FAM20B: variants seen among roughly 807,000 people sequenced by gnomAD.
FAM20B encodes the protein glycosaminoglycan xylosylkinase.
FAM20B carries 23 observed loss-of-function variants against 43.8 expected under a neutral mutation model. That is an observed-to-expected ratio of 0.53 (90% confidence interval 0.38 to 0.74). The LOEUF is 0.74. Among genes scored for constraint, FAM20B ranks in the 30% least tolerant of loss-of-function variants. The pLI, the probability that FAM20B is intolerant of heterozygous loss-of-function variation, is 0.00. For synonymous variants in FAM20B, 178 were observed against 192.4 expected (o/e 0.93, Z 0.62); for missense variants, 440 against 510.5 (o/e 0.86, Z 1.33).
intron 1 of FAM20B, among the ~76,000 whole-genome samples, 199 bp from the exon 2 acceptor site, chr1:179,043,516 C>T (rs912743504): frequency 2.6e-5 from 4 of 152,178 alleles, no homozygotes; most frequent in African/African-American, 9.6e-5. Context: ...CTGGTGTCTT[C>T]GCAGCAGCTG....
At chr1:179,057,611 A>T (rs1651281985) in intron 4 of FAM20B, among the ~76,000 whole-genome samples, 1 of 152,154 alleles carries the variant, frequency 6.6e-6, no homozygotes. Flanking sequence ...AAAGTCACAA[A>T]ACTACTAATT....
chr1:179,071,977 A>G lies in FAM20B; in HGVS notation c.1063A>G (p.Lys355Glu). 6.2e-7 allele frequency: 1 copy of G among 1,614,148 alleles called. No homozygotes were observed. The highest frequency in any genetic ancestry group is 8.5e-7 in the Non-Finnish European group (1 of 1,180,016). ...GAATGGTGTGCTAAAGTCTGCCTTAAAATCTGCCATGGCCCATGACCCCAT... is the reference window on the plus strand; with the variant it reads ...GAATGGTGTGCTAAAGTCTGCCTTAGAATCTGCCATGGCCCATGACCCCAT... ...LKNGVLKSAL[K>E]SAMAHDPISP... The change falls in exon 8 of 8, where the codon AAA (lysine) becomes GAA (glutamate). Residue 355 changes from lysine (K) to glutamate (E), a missense_variant. Coordinates refer to ENST00000263733, the MANE Select transcript of FAM20B (RefSeq NM_014864.4).
chr1:179,020,151 GTA>G, the FAM20B span, among the ~76,000 whole-genome samples: 3 of 122,050 alleles, frequency 2.5e-5, no homozygotes, highest in African/African-American at 6.8e-5. Flanking sequence ...GTATGTGTGT[GTA>G]TACACACACA....
chr1:179,043,550 T>A (rs1000956754), intron 1 of FAM20B, among the ~76,000 whole-genome samples, 165 bp from the exon 2 acceptor site: 1 of 152,184 alleles, frequency 6.6e-6, no homozygotes, highest in Non-Finnish European at 1.5e-5. Flanking sequence ...ACTGCTGCCA[T>A]CATTAGGTCC....
chr1:179,038,560 A>C (rs1315848398), intron 1 of FAM20B, among the ~76,000 whole-genome samples: 2 of 152,234 alleles, frequency 1.3e-5, no homozygotes, highest in African/African-American at 4.8e-5. Context: ...ATGCTGAAGA[A>C]GTGATTGTCA....
intron 1 of FAM20B, among the ~76,000 whole-genome samples, chr1:179,036,053 C>G (rs1291206006): frequency 6.6e-6 from 1 of 152,134 alleles, no homozygotes; most frequent in African/African-American, 2.4e-5. Flanking sequence ...TCGCTTGAAT[C>G]CAGGAGTTGG....
At chr1:179,047,818 T>C (rs1418186265) in intron 2 of FAM20B, among the ~76,000 whole-genome samples, 1 of 152,240 alleles carries the variant, frequency 6.6e-6, no homozygotes, top group African/African-American at 2.4e-5. Context: ...CATACTCTGA[T>C]GTCCTTCAGC....
At chr1:179,034,384 T>TTC (rs138317999) in intron 1 of FAM20B, among the ~76,000 whole-genome samples, 3,609 of 151,096 alleles carry the variant, frequency 0.024, 65 homozygotes, top group Middle Eastern at 0.048. Flanking sequence ...CTCCACCTCT[T>TTC]TCTCTCTCTC....
intron 7 of FAM20B, among the ~76,000 whole-genome samples, chr1:179,070,856 A>G (rs1304385998): frequency 1.3e-5 from 2 of 151,760 alleles, no homozygotes; most frequent in Non-Finnish European, 2.9e-5. Flanking sequence ...AGTTCCACCC[A>G]TGAGGGCAGA....
At chr1:179,026,350 C>G (rs980536165) in intron 1 of FAM20B, among the ~76,000 whole-genome samples, 2 of 151,890 alleles carry the variant, frequency 1.3e-5, no homozygotes, top group Non-Finnish European at 2.9e-5. Context: ...TCCCTGTGTG[C>G]GGTCGCGGCT....
chr1:179,035,492 A>G, intron 1 of FAM20B: 1 of 689,206 alleles, frequency 1.5e-6, no homozygotes, highest in South Asian at 1.4e-5. Flanking sequence ...ACGCTGCTTC[A>G]GAAATGTCCC....
chr1:179,019,794 A>C, the FAM20B span, among the ~76,000 whole-genome samples: 2 of 152,094 alleles, frequency 1.3e-5, no homozygotes, highest in Non-Finnish European at 2.9e-5. Context: ...CATGGTGAAA[A>C]TACCAGCCTG....
intron 1 of FAM20B, among the ~76,000 whole-genome samples, chr1:179,028,175 A>G (rs1482652322): frequency 6.6e-6 from 1 of 152,214 alleles, no homozygotes; most frequent in Non-Finnish European, 1.5e-5. Flanking sequence ...CAGATACTTC[A>G]GCTGTTGAAT....
At chr1:179,065,386 C>G (rs1651646840) in intron 6 of FAM20B, among the ~76,000 whole-genome samples, 1 of 152,050 alleles carries the variant, frequency 6.6e-6, no homozygotes, top group Non-Finnish European at 1.5e-5. Flanking sequence ...CTCTGCTTGC[C>G]TCGACCTCTC....
At chr1:179,071,696 G>T (rs1651930131) in intron 7 of FAM20B, among the ~76,000 whole-genome samples, 1 of 152,164 alleles carries the variant, frequency 6.6e-6, no homozygotes, top group African/African-American at 2.4e-5. Flanking sequence ...GAACATGTGT[G>T]TAAATCTCTG....
intron 1 of FAM20B, among the ~76,000 whole-genome samples, chr1:179,034,390 C>T (rs1324782034): frequency 2.0e-5 from 3 of 152,044 alleles, no homozygotes; most frequent in Middle Eastern, 3.4e-3. Flanking sequence ...CTCTTTCTCT[C>T]TCTCTCTCTC....
rs1032385896 is a variant in FAM20B at position 179,072,386 on chromosome 1, G to A, written c.*242G>A. 3.9e-6 allele frequency: 2 copies of A among 512,304 alleles called. No individual in the cohort carries two copies. Among genetic ancestry groups the A allele is most frequent in the African/African-American group, 3.8e-5 (2 of 52,136 alleles). 31.7% of individuals were successfully genotyped at this position (512,304 alleles called of 1,614,324 possible). ...CCTCCTCGGCAATTGCTCATTCTAG[G>A]GTTGGGCATCATAGTTGGTCAGTCT... is the stretch of plus-strand genomic sequence containing the variant. On this transcript the variant is annotated 3_prime_UTR_variant, in exon 8 of 8. Coordinates refer to ENST00000263733, the MANE Select transcript of FAM20B (RefSeq NM_014864.4).
intron 1 of FAM20B, among the ~76,000 whole-genome samples, chr1:179,039,939 C>G (rs986894308): frequency 1.4e-4 from 21 of 152,170 alleles, no homozygotes; most frequent in South Asian, 4.2e-4. Flanking sequence ...TGACTCTTAA[C>G]GAGCATGCTG....
chr1:179,039,002 G>A (rs1650366731), intron 1 of FAM20B, among the ~76,000 whole-genome samples: 1 of 152,234 alleles, frequency 6.6e-6, no homozygotes, highest in Non-Finnish European at 1.5e-5. Context: ...CTGATAAGCT[G>A]CTTTTGATTG....
Sources: allele counts gnomAD v4.1 joint callset (sites outside exome capture counted in the v4.1 genomes callset), GRCh38; gene constraint gnomAD v4.1.1; transcripts MANE v1.5; gene names NCBI Gene and HGNC (gene_info 2026-07-23, HGNC 2026-07-21).